The following PEX5L variants were observed in gnomAD, a reference collection of about 807,000 sequenced individuals.
The protein encoded by PEX5L is peroxisomal biogenesis factor 5 like.
Under a neutral mutation model 84.0 loss-of-function variants are expected in PEX5L, and 30 were observed. The ratio of observed to expected loss-of-function variants is 0.36; its 90% confidence interval spans 0.27 to 0.48. The LOEUF is 0.48. PEX5L is among the 20% of genes least tolerant of loss of function. The probability of loss-of-function intolerance (pLI) is 0.99; values close to 1 mark genes in which losing one functional copy is unlikely to be tolerated. For missense variants in PEX5L, 533 were observed against 754.6 expected, an observed-to-expected ratio of 0.71 and a Z score of 3.44; for synonymous variants, 270 against 283.1, an observed-to-expected ratio of 0.95 and a Z score of 0.46.
chr3:179,803,854 G>A (rs1720086534), intron 14 of PEX5L, among the ~76,000 whole-genome samples: 1 of 152,200 alleles, frequency 6.6e-6, no homozygotes, highest in South Asian at 2.1e-4. Context: ...TAGCAATCTG[G>A]ATAATGGAAT....
At chr3:179,893,990 C>T (rs1338970177) in intron 3 of PEX5L, among the ~76,000 whole-genome samples, 1 of 152,002 alleles carries the variant, frequency 6.6e-6, no homozygotes, top group Non-Finnish European at 1.5e-5. Flanking sequence ...TCTCAAACCC[C>T]TGGCCTCAAG....
chr3:179,999,790 G>T (rs1788224744), intron 1 of PEX5L, among the ~76,000 whole-genome samples: 1 of 152,160 alleles, frequency 6.6e-6, no homozygotes, highest in Non-Finnish European at 1.5e-5. Context: ...GTGTGGCAGT[G>T]GGCTCATGCT....
intron 8 of PEX5L, among the ~76,000 whole-genome samples, chr3:179,849,521 A>C (rs1289979402): frequency 1.3e-5 from 2 of 152,226 alleles, no homozygotes; most frequent in African/African-American, 4.8e-5. Context: ...GACTTTTTCC[A>C]CATACCTTAT....
chr3:179,971,684 T>A lies in PEX5L; in HGVS notation c.22-19A>T, dbSNP rs1216568954. 6.3e-6 allele frequency: 10 copies of A among 1,582,588 alleles called. No individual in the cohort carries two copies. The Admixed American group carries it at 1.2e-4, about 20-fold the overall frequency. ...TACTTTTCTTGTGAAAGAATAATTT[T>A]AAATGATCATTTAGTTTCTATCCAT... On this transcript the variant is annotated intron_variant, in intron 1 of 14. Coordinates refer to ENST00000467460, the MANE Select transcript of PEX5L (RefSeq NM_016559.3).
intron 2 of PEX5L, among the ~76,000 whole-genome samples, chr3:179,949,571 T>C (rs1778526352): frequency 6.6e-6 from 1 of 152,190 alleles, no homozygotes; most frequent in Non-Finnish European, 1.5e-5. Context: ...CTAAATTGCC[T>C]GTGTTCACAC....
chr3:179,974,190 T>C, intron 1 of PEX5L: 1 of 985,438 alleles, frequency 1.0e-6, no homozygotes. Context: ...AGCTTCTGCG[T>C]GGTCTTTCAC....
intron 2 of PEX5L, among the ~76,000 whole-genome samples, chr3:179,915,300 G>A (rs1457580488): frequency 1.3e-5 from 2 of 152,190 alleles, no homozygotes; most frequent in Non-Finnish European, 1.5e-5. Context: ...TGGGATGGGA[G>A]GTTTTGAATT....
intron 1 of PEX5L, among the ~76,000 whole-genome samples, chr3:180,019,785 T>G (rs1225934673): frequency 1.3e-5 from 2 of 152,338 alleles, no homozygotes; most frequent in East Asian, 3.9e-4. Context: ...TTGTAGAATT[T>G]TAAATGATGG....
chr3:179,853,778 C>G (rs1210678679), intron 8 of PEX5L, among the ~76,000 whole-genome samples: 1 of 151,380 alleles, frequency 6.6e-6, no homozygotes, highest in Non-Finnish European at 1.5e-5. Context: ...TCTTCTTCTT[C>G]TTCTTCCTCT....
At chr3:179,843,898 G>T (rs1738230083) in intron 8 of PEX5L, among the ~76,000 whole-genome samples, 1 of 152,182 alleles carries the variant, frequency 6.6e-6, no homozygotes, top group Non-Finnish European at 1.5e-5. Context: ...CCTGCATGTA[G>T]CCTGATAATT....
intron 2 of PEX5L, among the ~76,000 whole-genome samples, chr3:179,962,791 G>A (rs978915630): frequency 2.3e-4 from 35 of 152,086 alleles, no homozygotes; most frequent in African/African-American, 7.5e-4. Flanking sequence ...AAGTACTACT[G>A]TCTCTGACTG....
At chr3:179,900,614 A>G (rs1760969045) in intron 2 of PEX5L, 1 of 1,192,004 alleles carries the variant, frequency 8.4e-7, no homozygotes, top group African/African-American at 1.5e-5. Context: ...GGTCAGCTAG[A>G]AAGGATGTAC....
chr3:179,952,133 T>C (rs1779250358), intron 2 of PEX5L, among the ~76,000 whole-genome samples: 2 of 152,344 alleles, frequency 1.3e-5, no homozygotes, highest in South Asian at 4.1e-4. Flanking sequence ...GCTTCTTGGA[T>C]CTAATAAGGC....
At chr3:179,987,681 A>G (rs1331938795) in intron 1 of PEX5L, among the ~76,000 whole-genome samples, 1 of 152,188 alleles carries the variant, frequency 6.6e-6, no homozygotes, top group African/African-American at 2.4e-5. Context: ...ACAAAAAGCC[A>G]ACTGAACCAA....
At chr3:179,804,693 G>A (rs1163552473) in intron 14 of PEX5L, among the ~76,000 whole-genome samples, 1 of 152,216 alleles carries the variant, frequency 6.6e-6, no homozygotes, top group Non-Finnish European at 1.5e-5. Flanking sequence ...GTCCCAAGAC[G>A]TTTGTGAAGT....
rs111869935 is a variant in PEX5L at position 180,029,846 on chromosome 3, G to A, written c.21+6733C>T. Among the ~76,000 whole-genome samples, 198 of 146,946 alleles carry A rather than the reference G, an allele frequency of 1.3e-3. 3 individuals carry two copies. The highest frequency in any genetic ancestry group is 5.0e-3 in the African/African-American group (191 of 38,002). On this transcript the variant is annotated intron_variant, in intron 1 of 14. Coordinates refer to ENST00000467460, the MANE Select transcript of PEX5L (RefSeq NM_016559.3). The stretch of plus-strand genomic sequence containing the variant: ...TCTCATGTGTACATAATCCCCTGCC[G>A]AATCAAATGTTATATCCCTACATGA...
chr3:179,893,055 T>A (rs1165422164), intron 3 of PEX5L, among the ~76,000 whole-genome samples: 1 of 152,148 alleles, frequency 6.6e-6, no homozygotes, highest in Non-Finnish European at 1.5e-5. Flanking sequence ...AGAACTTGCA[T>A]GTAGGGGCTT....
intron 2 of PEX5L, among the ~76,000 whole-genome samples, chr3:179,923,124 T>C (rs140421769): frequency 5.5e-5 from 8 of 146,600 alleles, no homozygotes; most frequent in East Asian, 2.1e-4. Context: ...CCTGTCTCTA[T>C]TAAAAATACA....
intron 1 of PEX5L, among the ~76,000 whole-genome samples, chr3:180,012,536 T>A (rs892343214): frequency 4.6e-5 from 7 of 152,146 alleles, no homozygotes; most frequent in Admixed American, 1.3e-4. Flanking sequence ...AAGAATTATA[T>A]GATTATAGCA....
Sources: allele counts gnomAD v4.1 joint callset (sites outside exome capture counted in the v4.1 genomes callset), GRCh38; gene constraint gnomAD v4.1.1; transcripts MANE v1.5; gene names NCBI Gene and HGNC (gene_info 2026-07-23, HGNC 2026-07-21).